ASAP2: variants seen among roughly 807,000 people sequenced by gnomAD.
The protein encoded by ASAP2 is arf-GAP with SH3 domain, ANK repeat and PH domain-containing protein 2.
In ASAP2, 45 loss-of-function variants were observed where a neutral mutation model predicts 131.4. The observed-to-expected ratio is 0.34, with a 90% CI of 0.27 to 0.44. The LOEUF is 0.44. Ranked by LOEUF, ASAP2 falls within the 20% of genes least tolerant of loss-of-function variation. ASAP2 has a pLI of 1.00. For synonymous variants in ASAP2, 510 were observed against 503.0 expected (o/e 1.01, Z -0.19); for missense variants, 1,011 against 1,297.0 (o/e 0.78, Z 3.39).
intron 1 of ASAP2, among the ~76,000 whole-genome samples, chr2:9,243,649 C>T (rs1294209301): frequency 1.3e-5 from 2 of 152,130 alleles, no homozygotes; most frequent in South Asian, 4.1e-4. Context: ...ATAGCGTTTC[C>T]ACTTACAGAA....
chr2:9,260,892 C>T (rs569532358), intron 1 of ASAP2, among the ~76,000 whole-genome samples: 6 of 152,222 alleles, frequency 3.9e-5, no homozygotes, highest in Admixed American at 3.3e-4. Context: ...TGCTTCTCCG[C>T]CACCCTGGCC....
chr2:9,244,137 C>CA (rs1455491460), intron 1 of ASAP2, among the ~76,000 whole-genome samples: 2 of 151,864 alleles, frequency 1.3e-5, no homozygotes, highest in East Asian at 3.9e-4. Context: ...CCTTCTCTAC[C>CA]AAAAAAACCC....
chr2:9,310,253 C>T (rs1669214967), intron 3 of ASAP2, among the ~76,000 whole-genome samples: 1 of 152,202 alleles, frequency 6.6e-6, no homozygotes, highest in Admixed American at 6.5e-5. Flanking sequence ...TTCTACCTCT[C>T]AAGTTTCTCA....
In ASAP2 at chr2:9,322,219, G is replaced by A. The variant is rs116266099; in HGVS notation, c.471-902G>A. ...CTTCAAATTATTGAGAACCTACACA[G>A]TGCAGGACACACAGAGAAATCACAT... On this transcript the variant is annotated intron_variant, in intron 5 of 27. Coordinates refer to ENST00000281419, the MANE Select transcript of ASAP2 (RefSeq NM_003887.3). Among the ~76,000 whole-genome samples, 876 of 152,288 alleles carry A rather than the reference G, an allele frequency of 5.8e-3. 8 individuals are homozygous for A. The highest frequency in any genetic ancestry group is 0.019 in the South Asian group (91 of 4,820).
chr2:9,292,876 G>A (rs1443153935), intron 2 of ASAP2, among the ~76,000 whole-genome samples: 2 of 152,232 alleles, frequency 1.3e-5, no homozygotes, highest in African/African-American at 4.8e-5. Context: ...TGAAAAAGGA[G>A]GTGATTGAAG....
At chr2:9,231,017 G>A (rs959970538) in intron 1 of ASAP2, among the ~76,000 whole-genome samples, 3 of 152,170 alleles carry the variant, frequency 2.0e-5, no homozygotes, top group Non-Finnish European at 4.4e-5. Context: ...TTTCTGGCGG[G>A]GAGATGCTGC....
chr2:9,245,769 G>A (rs1023345733), intron 1 of ASAP2, among the ~76,000 whole-genome samples: 7 of 152,150 alleles, frequency 4.6e-5, no homozygotes, highest in African/African-American at 7.2e-5. Context: ...TAGTCGGTTC[G>A]TCGTCTGCCT....
intron 18 of ASAP2, 30 bp downstream of exon 18, chr2:9,377,023 CGTTTTCTCCTTG>C: frequency 6.3e-7 from 1 of 1,576,532 alleles, no homozygotes; most frequent in African/African-American, 1.3e-5. Context: ...GGGAGGCACT[CGTTTTCTCCTTG>C]GTATTTCTGG....
intron 6 of ASAP2, among the ~76,000 whole-genome samples, chr2:9,326,894 T>G (rs993811076): frequency 3.7e-4 from 57 of 152,318 alleles, no homozygotes; most frequent in African/African-American, 1.3e-3. Context: ...CTTTTGTGGT[T>G]ATCTTCTTAG....
chr2:9,230,509 C>A (rs770347473), intron 1 of ASAP2, among the ~76,000 whole-genome samples: 1 of 152,232 alleles, frequency 6.6e-6, no homozygotes, highest in Admixed American at 6.5e-5. Context: ...AGCCCCACAG[C>A]TGGACTGCAA....
intron 3 of ASAP2, among the ~76,000 whole-genome samples, chr2:9,298,432 T>C (rs778897194): frequency 7.2e-5 from 11 of 152,340 alleles, no homozygotes; most frequent in South Asian, 4.1e-4. Context: ...TCTTCACTTA[T>C]GAACATTTCT....
In ASAP2 at chr2:9,358,867, TACTGGGA is replaced by T. The variant is rs1443025421; in HGVS notation, c.1442_1448del (p.Leu481HisfsTer37). On this transcript the variant is annotated frameshift_variant, in exon 15 of 28. Transcript: ENST00000281419. LOFTEE classifies it high-confidence loss of function. ...AGGATGCAGTCCCTGACCTTAGATG[TACTGGGA>T]ACATCTGAGCTGCTGGTAATTTTTA... The T allele has an allele frequency of 6.2e-7, 1 of 1,612,114 alleles. No individual in the cohort carries two copies. The highest frequency in any genetic ancestry group is 8.5e-7 in the Non-Finnish European group (1 of 1,179,122).
chr2:9,233,663 A>G (rs573162607), intron 1 of ASAP2, among the ~76,000 whole-genome samples: 25 of 152,354 alleles, frequency 1.6e-4, no homozygotes, highest in African/African-American at 5.3e-4. Flanking sequence ...CTGTGTGGCC[A>G]TGGGCAAATA....
chr2:9,374,851 C>T lies in ASAP2; in HGVS notation c.1653C>T (p.Cys551=), dbSNP rs373037678. The T allele has an allele frequency of 9.5e-5, 153 of 1,613,974 alleles. No individual in the cohort carries two copies. The South Asian group carries it at 1.1e-3, about 11-fold the overall frequency. The part of the protein sequence containing the change: ...ADNAAKLHSL[C]EAVKTRDIFG... ...ACGCGGCGAAGCTTCACAGTCTTTG[C>T]GAGGCCGTCAAAACGAGAGATATTT... Residue 551 remains cysteine (C), a synonymous_variant, in exon 17 of 28, where the codon TGC becomes TGT. Transcript: ENST00000281419.
At chr2:9,301,652 C>T (rs755568943) in intron 3 of ASAP2, among the ~76,000 whole-genome samples, 12 of 152,052 alleles carry the variant, frequency 7.9e-5, no homozygotes, top group African/African-American at 1.9e-4. Context: ...CTGCAGAACC[C>T]GCTCCACATG....
At chr2:9,289,289 T>C (rs76370470) in intron 2 of ASAP2, among the ~76,000 whole-genome samples, 23 of 152,352 alleles carry the variant, frequency 1.5e-4, no homozygotes, top group Non-Finnish European at 2.6e-4. Flanking sequence ...TTCTTGCCTT[T>C]GTGTCGCTGC....
chr2:9,267,954 C>G (rs1666059593), intron 1 of ASAP2, among the ~76,000 whole-genome samples: 1 of 150,494 alleles, frequency 6.6e-6, no homozygotes, highest in Admixed American at 6.6e-5. Flanking sequence ...TTGGCCAGCA[C>G]TCCAAGCGCG....
intron 1 of ASAP2, among the ~76,000 whole-genome samples, chr2:9,260,709 T>C (rs1172951408): frequency 6.6e-6 from 1 of 152,010 alleles, no homozygotes; most frequent in Non-Finnish European, 1.5e-5. Flanking sequence ...CATTCTACCA[T>C]AGGGGAATGG....
chr2:9,391,659 C>CT, intron 23 of ASAP2, among the ~76,000 whole-genome samples: 2 of 150,718 alleles, frequency 1.3e-5, no homozygotes, highest in South Asian at 4.2e-4. Context: ...GCTGCAACCT[C>CT]TGCCTCCCGG....
Sources: gnomAD v4.1 joint callset for allele counts (sites outside exome capture counted in the v4.1 genomes callset) on GRCh38, gnomAD v4.1.1 for gene constraint, MANE v1.5 for transcripts, NCBI Gene and HGNC (gene_info 2026-07-23, HGNC 2026-07-21) for gene names.